The following HTR4 variants were observed in gnomAD, a reference collection of about 807,000 sequenced individuals.
The protein encoded by HTR4 is 5-hydroxytryptamine (serotonin) receptor 4, G protein-coupled.
In HTR4, 16 loss-of-function variants were observed where a neutral mutation model predicts 36.8. The ratio of observed to expected loss-of-function variants is 0.43; its 90% confidence interval spans 0.29 to 0.66. The LOEUF is 0.66. Among genes scored for constraint, HTR4 ranks in the 30% least tolerant of loss-of-function variants. The pLI, the probability that HTR4 is intolerant of heterozygous loss-of-function variation, is 0.13. For synonymous variants in HTR4, 189 were observed against 185.1 expected (o/e 1.02, Z -0.17); for missense variants, 438 against 490.9 (o/e 0.89, Z 1.02).
In HTR4 at chr5:148,550,133, T is replaced by G; in HGVS notation, c.152+4A>C. The G allele has an allele frequency of 6.2e-7, 1 of 1,613,958 alleles. No homozygotes were observed. Among genetic ancestry groups the G allele is most frequent in the Non-Finnish European group, 8.5e-7 (1 of 1,179,982 alleles). ...TCCTCAAAAGGTTCCCTCCTGCTGCTCACCTGAGCTGCCTGTCCCAGCACA... is the reference window on the plus strand; with the variant it reads ...TCCTCAAAAGGTTCCCTCCTGCTGCGCACCTGAGCTGCCTGTCCCAGCACA... On this transcript the variant is annotated splice_donor_region_variant and intron_variant, in intron 3 of 6. Coordinates refer to ENST00000377888, the MANE Select transcript of HTR4 (RefSeq NM_000870.7).
chr5:148,645,127 A>T (rs558703626), intron 1 of HTR4: 1 of 152,230 alleles, frequency 6.6e-6, no homozygotes, highest in Non-Finnish European at 1.5e-5. Flanking sequence ...TGGTATGAAA[A>T]GGTGGCAAGA....
At chr5:148,471,371 T>C (rs1220460530) in intron 5 of HTR4, among the ~76,000 whole-genome samples, 1 of 152,208 alleles carries the variant, frequency 6.6e-6, no homozygotes, top group Non-Finnish European at 1.5e-5. Flanking sequence ...TTGAATTCAA[T>C]CATTCCCCAA....
intron 2 of HTR4, among the ~76,000 whole-genome samples, chr5:148,591,632 T>C (rs1173068420): frequency 6.6e-6 from 1 of 152,108 alleles, no homozygotes. Context: ...CATTAAAAAG[T>C]GGGCAAAGAA....
intron 4 of HTR4, among the ~76,000 whole-genome samples, 194 bp downstream of exon 4, chr5:148,548,474 C>T (rs1177083961): frequency 1.3e-5 from 2 of 152,192 alleles, no homozygotes; most frequent in African/African-American, 2.4e-5. Context: ...TGTGCATCTA[C>T]AGTGCCTCAG....
chr5:148,626,475 A>G (rs1167932337), intron 2 of HTR4, among the ~76,000 whole-genome samples: 1 of 152,230 alleles, frequency 6.6e-6, no homozygotes, highest in Non-Finnish European at 1.5e-5. Flanking sequence ...TTACTATGAA[A>G]AATATTAGAC....
exon 6 of HTR4, chr5:148,451,157 A>C (rs1282265182): frequency 6.2e-7 from 1 of 1,613,390 alleles, no homozygotes; most frequent in South Asian, 1.1e-5. Context: ...ATGCGAATGA[A>C]TGGCTAAGTT....
At chr5:148,610,198 C>T (rs1453892678) in intron 2 of HTR4, among the ~76,000 whole-genome samples, 4 of 152,160 alleles carry the variant, frequency 2.6e-5, no homozygotes, top group African/African-American at 9.7e-5. Context: ...GGTGGAGGAG[C>T]CAAGATGGCC....
chr5:148,549,265 G>C (rs1284228483), intron 3 of HTR4, among the ~76,000 whole-genome samples: 1 of 152,062 alleles, frequency 6.6e-6, no homozygotes, highest in African/African-American at 2.4e-5. Flanking sequence ...TCCTTGGTCG[G>C]GCATTCTCAG....
intron 5 of HTR4, among the ~76,000 whole-genome samples, chr5:148,519,943 C>T (rs1757932645): frequency 6.6e-6 from 1 of 152,144 alleles, no homozygotes; most frequent in Non-Finnish European, 1.5e-5. Flanking sequence ...TTCATTCAGG[C>T]ATGAGTTATA....
chr5:148,548,577 C>T, intron 4 of HTR4, 91 bp downstream of exon 4: 1 of 1,031,144 alleles, frequency 9.7e-7, no homozygotes, highest in South Asian at 1.5e-5. Context: ...TTCATTTCTT[C>T]TAATGAATAA....
chr5:148,629,326 A>G (rs1272878939), intron 2 of HTR4: 1 of 152,168 alleles, frequency 6.6e-6, no homozygotes, highest in Non-Finnish European at 1.5e-5. Flanking sequence ...AAATGCTACA[A>G]TGCTTGCTTC....
At chr5:148,557,703 A>T (rs151161377) in intron 2 of HTR4, among the ~76,000 whole-genome samples, 3 of 151,530 alleles carry the variant, frequency 2.0e-5, no homozygotes, top group Admixed American at 6.6e-5. Flanking sequence ...ATCAGATGAG[A>T]GCGGTATTTT....
chr5:148,456,498 C>T (rs1281471385), intron 5 of HTR4, among the ~76,000 whole-genome samples: 4 of 152,154 alleles, frequency 2.6e-5, no homozygotes, highest in Admixed American at 6.5e-5. Context: ...TGCAGGCAAA[C>T]CGAATAGCAT....
intron 2 of HTR4, among the ~76,000 whole-genome samples, chr5:148,635,269 C>A (rs1402857164): frequency 6.6e-6 from 1 of 152,054 alleles, no homozygotes; most frequent in Non-Finnish European, 1.5e-5. Flanking sequence ...TAAATGTGAG[C>A]CTAAAAACAT....
chr5:148,473,250 C>T (rs867872170), downstream of HTR4, among the ~76,000 whole-genome samples: 147 of 145,052 alleles, frequency 1.0e-3, 1 homozygote, highest in Middle Eastern at 3.8e-3. Flanking sequence ...TGCAGTGAGC[C>T]GAGATCGCGC....
At chr5:148,568,024 G>T (rs1189051115) in intron 2 of HTR4, among the ~76,000 whole-genome samples, 1 of 152,116 alleles carries the variant, frequency 6.6e-6, no homozygotes. Context: ...AAATACGGTT[G>T]TATCACCTAC....
chr5:148,545,596 T>C (rs1759349240), intron 4 of HTR4, among the ~76,000 whole-genome samples: 1 of 152,168 alleles, frequency 6.6e-6, no homozygotes, highest in African/African-American at 2.4e-5. Flanking sequence ...AGAGAAGATT[T>C]AGCTAAAATC....
At chr5:148,525,411 T>C (rs749778266) in intron 4 of HTR4, among the ~76,000 whole-genome samples, 41 of 152,212 alleles carry the variant, frequency 2.7e-4, no homozygotes, top group Non-Finnish European at 6.0e-4. Flanking sequence ...TCCTTTCTCT[T>C]GTTAATAGCA....
downstream of HTR4, among the ~76,000 whole-genome samples, chr5:148,473,613 T>TA (rs1165844750): frequency 1.3e-5 from 2 of 152,220 alleles, no homozygotes; most frequent in African/African-American, 2.4e-5. Context: ...TCTCACCTAT[T>TA]AACATAATCA....
Sources: allele counts gnomAD v4.1 joint callset (sites outside exome capture counted in the v4.1 genomes callset), GRCh38; gene constraint gnomAD v4.1.1; transcripts MANE v1.5; gene names NCBI Gene and HGNC (gene_info 2026-07-23, HGNC 2026-07-21).